Variants in IPO11 observed in about 807,000 individuals in gnomAD.
IPO11 encodes importin 11.
A neutral mutation model predicts 143.2 loss-of-function variants in IPO11; 66 were observed. The observed-to-expected ratio is 0.46, with a 90% CI of 0.38 to 0.57. The LOEUF (loss-of-function observed/expected upper bound fraction) is 0.57, where lower values mean the gene tolerates loss of function less well. IPO11 is among the 20% of genes least tolerant of loss of function. The pLI, the probability that IPO11 is intolerant of heterozygous loss-of-function variation, is 0.00. For missense variants in IPO11, 1,026 were observed against 1,141.0 expected, an observed-to-expected ratio of 0.90 and a Z score of 1.45; for synonymous variants, 385 against 377.8, an observed-to-expected ratio of 1.02 and a Z score of -0.22.
At chr5:62,435,172 G>GTGTATATATGTA in intron 1 of IPO11, among the ~76,000 whole-genome samples, 1 of 88,290 alleles carries the variant, frequency 1.1e-5, no homozygotes, top group South Asian at 3.2e-4. Flanking sequence ...GTATATATAT[G>GTGTATATATGTA]TATATATGTA....
At chr5:62,498,183 T>C (rs1207827567) in intron 16 of IPO11, among the ~76,000 whole-genome samples, 1 of 152,138 alleles carries the variant, frequency 6.6e-6, no homozygotes, top group Non-Finnish European at 1.5e-5. Flanking sequence ...TTGCATGTGG[T>C]CCAGTGTTTG....
intron 28 of IPO11, among the ~76,000 whole-genome samples, chr5:62,592,541 T>C (rs1745060907): frequency 6.6e-6 from 1 of 152,184 alleles, no homozygotes; most frequent in Admixed American, 6.6e-5. Context: ...GTTTTTTTCT[T>C]TTTAAGTTAA....
intron 27 of IPO11, among the ~76,000 whole-genome samples, chr5:62,565,344 G>A (rs887029917): frequency 2.6e-5 from 4 of 152,080 alleles, no homozygotes; most frequent in Admixed American, 2.6e-4. Flanking sequence ...AAGATAACTA[G>A]GTGTGGTGGC....
chr5:62,488,930 G>T lies in IPO11; in HGVS notation c.1310-372G>T, dbSNP rs1047451395. 2.0e-5 allele frequency among the ~76,000 whole-genome samples: 3 copies of T among 152,170 alleles called. 1 individual carries two copies. Among genetic ancestry groups the T allele is most frequent in the African/African-American group, 7.2e-5 (3 of 41,434 alleles). ...AGGTTGGAGGATCATTTGAGCGCAG[G>T]AGGATGAGGCTGCAGTGAACTGAGA... On this transcript the variant is annotated intron_variant, in intron 13 of 29. Coordinates refer to ENST00000325324, the MANE Select transcript of IPO11 (RefSeq NM_016338.5).
intron 29 of IPO11, among the ~76,000 whole-genome samples, chr5:62,624,740 T>C (rs1376881090): frequency 6.6e-6 from 1 of 151,926 alleles, no homozygotes; most frequent in Non-Finnish European, 1.5e-5. Flanking sequence ...ATCCCAGCAC[T>C]TTGGGAGGCT....
rs527625571 is a variant in IPO11 at position 62,452,173 on chromosome 5, A to T, written c.516+240A>T. Among the ~76,000 whole-genome samples the T allele has an allele frequency of 2.5e-4, 36 of 144,686 alleles. 1 individual carries two copies. Among genetic ancestry groups the T allele is most frequent in the Admixed American group, 1.2e-3 (18 of 15,064 alleles). The allele number at this position is 144,686 out of a possible 152,430, so 94.9% of individuals were successfully genotyped here. A position where few individuals can be genotyped will look rare whatever the true frequency, so the allele number is the denominator to read the frequency against. On this transcript the variant is annotated intron_variant, in intron 5 of 29. Coordinates refer to ENST00000325324, the MANE Select transcript of IPO11 (RefSeq NM_016338.5). Reference sequence around the variant, plus strand: ...AGCAGAACGATCACTTGAACCCAGGAGGTGGAGGTTGCAATGAGCCGTGAT... The same window carrying T: ...AGCAGAACGATCACTTGAACCCAGGTGGTGGAGGTTGCAATGAGCCGTGAT...
chr5:62,567,031 A>G (rs1021844990), intron 27 of IPO11, among the ~76,000 whole-genome samples: 9 of 152,146 alleles, frequency 5.9e-5, no homozygotes, highest in Admixed American at 5.9e-4. Context: ...ATCCATCCAG[A>G]TGTTTTCTTG....
chr5:62,517,193 G>A (rs935311747), intron 20 of IPO11, among the ~76,000 whole-genome samples: 7 of 88,920 alleles, frequency 7.9e-5, no homozygotes, highest in Non-Finnish European at 1.4e-4. Flanking sequence ...GCAAGACTCC[G>A]TCTCAAAAAA....
At chr5:62,497,089 T>A (rs1282137270) in intron 16 of IPO11, among the ~76,000 whole-genome samples, 1 of 152,250 alleles carries the variant, frequency 6.6e-6, no homozygotes, top group Non-Finnish European at 1.5e-5. Flanking sequence ...TAAGGGCTGC[T>A]GTTAAGGAAT....
At chr5:62,426,245 G>A (rs562602013) in intron 1 of IPO11, among the ~76,000 whole-genome samples, 1 of 152,274 alleles carries the variant, frequency 6.6e-6, no homozygotes, top group African/African-American at 2.4e-5. Context: ...AAATTAGCTG[G>A]GCATGGTGGC....
chr5:62,468,673 T>C (rs1745649892), intron 6 of IPO11, among the ~76,000 whole-genome samples: 2 of 152,208 alleles, frequency 1.3e-5, no homozygotes, highest in South Asian at 4.1e-4. Flanking sequence ...TATAGGGTTT[T>C]CTTACCTTAT....
At chr5:62,551,426 C>T (rs565389015) in intron 26 of IPO11, 90 bp downstream of exon 26, 13 of 702,636 alleles carry the variant, frequency 1.9e-5, no homozygotes, top group African/African-American at 1.4e-4. Context: ...TTGTAAAAGT[C>T]GCTTTGTAGT....
chr5:62,615,935 A>G (rs752681858), intron 29 of IPO11, among the ~76,000 whole-genome samples: 1 of 152,100 alleles, frequency 6.6e-6, no homozygotes, highest in African/African-American at 2.4e-5. Context: ...AGTGACTGCA[A>G]TCTGGTTATT....
At chr5:62,473,428 T>A (rs1302540410) in intron 7 of IPO11, among the ~76,000 whole-genome samples, 1 of 152,020 alleles carries the variant, frequency 6.6e-6, no homozygotes, top group Non-Finnish European at 1.5e-5. Context: ...ATATTGAGAG[T>A]CTGAGAGCAG....
At chr5:62,515,593 A>T in intron 20 of IPO11, 92 bp downstream of exon 20, 1 of 698,296 alleles carries the variant, frequency 1.4e-6, no homozygotes. Flanking sequence ...GATTTATGTT[A>T]ATGGTAGTGA....
rs1000606824 is a variant in IPO11 at position 62,463,906 on chromosome 5, C to G, written c.517-3225C>G. 4.0e-5 allele frequency among the ~76,000 whole-genome samples: 6 copies of G among 151,452 alleles called. No individual in the cohort carries two copies. The East Asian group carries it at 1.2e-3, about 30-fold the overall frequency. ...TGGGGTGATCTCAGCTCAGTGCAAC[C>G]TCCACCTCCTGGGTTCAAGCATTTC... On this transcript the variant is annotated intron_variant, in intron 5 of 29. Coordinates refer to ENST00000325324, the MANE Select transcript of IPO11 (RefSeq NM_016338.5).
intron 5 of IPO11, among the ~76,000 whole-genome samples, chr5:62,454,927 T>G (rs909376481): frequency 6.6e-6 from 1 of 152,198 alleles, no homozygotes; most frequent in Non-Finnish European, 1.5e-5. Context: ...TTTGAGAGAT[T>G]AGTCAGAGCT....
At chr5:62,586,158 G>A (rs1047705945) in intron 27 of IPO11, among the ~76,000 whole-genome samples, 2 of 152,114 alleles carry the variant, frequency 1.3e-5, no homozygotes, top group Non-Finnish European at 2.9e-5. Flanking sequence ...TTGGTCAACT[G>A]TAATACATTA....
intron 28 of IPO11, among the ~76,000 whole-genome samples, chr5:62,594,680 A>G (rs116587491): frequency 0.014 from 2,162 of 152,324 alleles, 28 homozygotes; most frequent in Non-Finnish European, 0.024. Flanking sequence ...TAGCCATCAC[A>G]CTAAGAAAGC....
Sources: gnomAD v4.1 joint callset for allele counts (sites outside exome capture counted in the v4.1 genomes callset) on GRCh38, gnomAD v4.1.1 for gene constraint, MANE v1.5 for transcripts, NCBI Gene and HGNC (gene_info 2026-07-23, HGNC 2026-07-21) for gene names.